Variants in TBC1D5 observed in about 807,000 individuals in gnomAD.
TBC1D5 encodes TBC1 domain family, member 5.
In TBC1D5, 75 loss-of-function variants were observed where a neutral mutation model predicts 100.3. That is an observed-to-expected ratio of 0.75 (90% CI 0.62 to 0.91). The LOEUF (loss-of-function observed/expected upper bound fraction) is 0.91. TBC1D5 is among the 40% of genes least tolerant of loss of function. The probability of loss-of-function intolerance (pLI) is 0.00; values close to 1 mark genes in which losing one functional copy is unlikely to be tolerated. For missense variants in TBC1D5, 910 were observed against 942.4 expected, an observed-to-expected ratio of 0.97 and a Z score of 0.45; for synonymous variants, 323 against 325.6, an observed-to-expected ratio of 0.99 and a Z score of 0.09.
intron 1 of TBC1D5, among the ~76,000 whole-genome samples, chr3:17,709,094 T>C (rs1008965645): frequency 6.6e-5 from 10 of 152,346 alleles, no homozygotes; most frequent in Middle Eastern, 3.4e-3. Flanking sequence ...ATTCTAACTT[T>C]ATAAAATTTA....
chr3:17,332,486 C>A (rs1177274125), intron 13 of TBC1D5, among the ~76,000 whole-genome samples: 1 of 152,008 alleles, frequency 6.6e-6, no homozygotes, highest in Non-Finnish European at 1.5e-5. Context: ...TAGAGATATA[C>A]CTTTGAGACT....
intron 1 of TBC1D5, among the ~76,000 whole-genome samples, chr3:17,655,277 A>T (rs1577260493): frequency 1.6e-5 from 2 of 128,150 alleles, no homozygotes; most frequent in East Asian, 5.0e-4. Flanking sequence ...GGACACAGGA[A>T]GGGGAACATC....
intron 3 of TBC1D5, among the ~76,000 whole-genome samples, chr3:17,461,883 T>C (rs1469582708): frequency 2.0e-5 from 3 of 152,158 alleles, no homozygotes; most frequent in Admixed American, 6.5e-5. Flanking sequence ...GCTTTATTGA[T>C]TCTGTCTTTT....
intron 1 of TBC1D5, among the ~76,000 whole-genome samples, chr3:17,679,646 G>A (rs2069173892): frequency 1.3e-5 from 2 of 151,350 alleles, no homozygotes; most frequent in Admixed American, 1.3e-4. Context: ...ATTAGGAAGT[G>A]GAAAGAATAT....
At chr3:17,481,155 T>A (rs1451934038) in intron 3 of TBC1D5, among the ~76,000 whole-genome samples, 1 of 152,198 alleles carries the variant, frequency 6.6e-6, no homozygotes, top group African/African-American at 2.4e-5. Context: ...ACAATGGAAG[T>A]CACGTGCAGT....
At chr3:17,494,520 A>G (rs2095679655) in intron 3 of TBC1D5, among the ~76,000 whole-genome samples, 1 of 152,186 alleles carries the variant, frequency 6.6e-6, no homozygotes, top group African/African-American at 2.4e-5. Flanking sequence ...GGAAATACTA[A>G]GTCTGCTGAT....
intron 18 of TBC1D5, among the ~76,000 whole-genome samples, chr3:17,192,370 A>C (rs2070052497): frequency 6.6e-6 from 1 of 152,144 alleles, no homozygotes; most frequent in African/African-American, 2.4e-5. Flanking sequence ...TTGTAAAAAA[A>C]AAAAAAGGTA....
chr3:17,693,200 T>C (rs1315731556), intron 1 of TBC1D5, among the ~76,000 whole-genome samples: 1 of 152,158 alleles, frequency 6.6e-6, no homozygotes, highest in Non-Finnish European at 1.5e-5. Flanking sequence ...CATTTCCAAC[T>C]GAGGTACCTG....
intron 13 of TBC1D5, among the ~76,000 whole-genome samples, chr3:17,332,352 CA>C (rs1319199634): frequency 1.3e-5 from 2 of 152,124 alleles, no homozygotes; most frequent in African/African-American, 4.8e-5. Flanking sequence ...AGACGGGAAA[CA>C]GCAGTTTTTA....
chr3:17,342,950 T>A (rs1018697382), intron 13 of TBC1D5, among the ~76,000 whole-genome samples: 4 of 152,196 alleles, frequency 2.6e-5, no homozygotes, highest in Admixed American at 2.6e-4. Flanking sequence ...TTTCAGTGTA[T>A]CCTCTATTTC....
At chr3:17,399,983 C>T (rs2093605272) in intron 8 of TBC1D5, among the ~76,000 whole-genome samples, 1 of 152,026 alleles carries the variant, frequency 6.6e-6, no homozygotes, top group African/African-American at 2.4e-5. Flanking sequence ...ATCCCACTGG[C>T]TACTCTCCTT....
intron 3 of TBC1D5, among the ~76,000 whole-genome samples, chr3:17,448,024 T>C (rs1559906792): frequency 1.3e-5 from 2 of 151,908 alleles, no homozygotes; most frequent in Non-Finnish European, 2.9e-5. Flanking sequence ...TAGCCAGGAG[T>C]GTTAGTGTGC....
At chr3:17,174,834 C>T (rs543298130) in intron 19 of TBC1D5, among the ~76,000 whole-genome samples, 33 of 152,200 alleles carry the variant, frequency 2.2e-4, no homozygotes, top group Non-Finnish European at 4.0e-4. Context: ...CCTTGTGATC[C>T]GCCCGCCTCG....
At chr3:17,669,606 G>T (rs1356454324) in intron 1 of TBC1D5, among the ~76,000 whole-genome samples, 2 of 152,040 alleles carry the variant, frequency 1.3e-5, no homozygotes, top group Non-Finnish European at 2.9e-5. Context: ...GTAAAATAAG[G>T]ATAGGAATAA....
At chr3:17,585,680 T>A (rs187152397) in intron 2 of TBC1D5, among the ~76,000 whole-genome samples, 223 of 152,316 alleles carry the variant, frequency 1.5e-3, no homozygotes, top group African/African-American at 5.1e-3. Context: ...ATTCAAGTGA[T>A]CTAAAGCTGG....
intron 13 of TBC1D5, among the ~76,000 whole-genome samples, chr3:17,320,709 T>C (rs1209519346): frequency 6.6e-6 from 1 of 152,218 alleles, no homozygotes; most frequent in East Asian, 1.9e-4. Context: ...AAAACAGAGA[T>C]ATACATTCAT....
chr3:17,627,520 G>A (rs2063153586), intron 1 of TBC1D5, among the ~76,000 whole-genome samples: 1 of 152,114 alleles, frequency 6.6e-6, no homozygotes, highest in South Asian at 2.1e-4. Flanking sequence ...ATATAAGAGA[G>A]TTCCAGTACA....
intron 1 of TBC1D5, among the ~76,000 whole-genome samples, chr3:17,684,404 C>CA (rs1230499507): frequency 3.3e-5 from 5 of 152,050 alleles, no homozygotes; most frequent in African/African-American, 1.2e-4. Flanking sequence ...CACTATATTT[C>CA]AGTAGCATCT....
intron 2 of TBC1D5, among the ~76,000 whole-genome samples, chr3:17,547,405 C>G (rs1390856970): frequency 6.6e-6 from 1 of 152,040 alleles, no homozygotes; most frequent in Non-Finnish European, 1.5e-5. Flanking sequence ...CATACCTAAC[C>G]AATTTCATCA....
Sources: allele counts gnomAD v4.1 joint callset (sites outside exome capture counted in the v4.1 genomes callset), GRCh38; gene constraint gnomAD v4.1.1; transcripts MANE v1.5; gene names NCBI Gene and HGNC (gene_info 2026-07-23, HGNC 2026-07-21).